The following ALDH1A3 variants were observed in gnomAD, a reference collection of about 807,000 sequenced individuals.
ALDH1A3 encodes the protein aldehyde dehydrogenase 1 family member A3, also known as retinaldehyde dehydrogenase 3.
In ALDH1A3, 28 loss-of-function variants were observed where a neutral mutation model predicts 57.5. The observed-to-expected ratio is 0.49, with a 90% CI of 0.36 to 0.67. ALDH1A3 has a LOEUF of 0.67. Among genes scored for constraint, ALDH1A3 ranks in the 30% least tolerant of loss-of-function variants. The probability of loss-of-function intolerance (pLI) is 0.00; values close to 1 mark genes in which losing one functional copy is unlikely to be tolerated. For synonymous variants in ALDH1A3, 281 were observed against 264.8 expected, an observed-to-expected ratio of 1.06 and a Z score of -0.59; for missense variants, 507 against 669.4, an observed-to-expected ratio of 0.76 and a Z score of 2.68.
rs138741497 is a variant in ALDH1A3, at chr15:100,885,308, A to G, written c.141A>G (p.Lys47=). ...AATGGCACGAATCCAAGAGTGGGAAAAAGTTTGCTACATGTAACCCTTCAA... is the reference window on the plus strand; with the variant it reads ...AATGGCACGAATCCAAGAGTGGGAAGAAGTTTGCTACATGTAACCCTTCAA... ...NNEWHESKSG[K]KFATCNPSTR... Residue 47 remains lysine, a synonymous_variant, in exon 2 of 13, where the codon AAA becomes AAG. Coordinates refer to ENST00000329841, the MANE Select transcript of ALDH1A3 (RefSeq NM_000693.4). 22 of 1,613,988 alleles carry G rather than the reference A, an allele frequency of 1.4e-5. No homozygotes were observed. The highest frequency in any genetic ancestry group is 1.8e-5 in the Non-Finnish European group (21 of 1,179,920).
rs1370659416 is a variant in ALDH1A3, at chr15:100,893,101, T to C, written c.537+95T>C. 2 of 1,179,170 alleles carry C rather than the reference T, an allele frequency of 1.7e-6. No homozygotes were observed. The highest frequency in any genetic ancestry group is 2.4e-5 in the East Asian group (1 of 42,222). 73.0% of individuals were successfully genotyped at this position (1,179,170 alleles called of 1,614,324 possible). A position where few individuals can be genotyped will look rare whatever the true frequency, so the allele number is the denominator to read the frequency against. On this transcript the variant is annotated intron_variant, in intron 5 of 12. Coordinates refer to ENST00000329841, the MANE Select transcript of ALDH1A3 (RefSeq NM_000693.4). This position sits in a 1 kb window ranked among gnomAD's most constrained non-coding sequence, Gnocchi z 4.8. The stretch of plus-strand genomic sequence containing the variant: ...CAATTTCTGGTGTGTTTTTATCTGA[T>C]TGCACCAGCGTTGAACAAGCATTTT...
At chr15:100,908,562 A>G in intron 12 of ALDH1A3, 80 bp downstream of exon 12, 2 of 1,322,620 alleles carry the variant, frequency 1.5e-6, no homozygotes, top group Non-Finnish European at 2.2e-6. Context: ...CACAGGCTCC[A>G]ATCTGCTGAC....
chr15:100,897,162 C>T (rs2041713090), intron 7 of ALDH1A3, among the ~76,000 whole-genome samples: 1 of 152,274 alleles, frequency 6.6e-6, no homozygotes, highest in African/African-American at 2.4e-5. Flanking sequence ...GAGACAGACA[C>T]TGCCCTGTGG....
At chr15:100,904,927 C>T (rs945625248) in intron 9 of ALDH1A3, among the ~76,000 whole-genome samples, 1 of 152,220 alleles carries the variant, frequency 6.6e-6, no homozygotes, top group Non-Finnish European at 1.5e-5. Context: ...TCTCGCTTCT[C>T]TGCACCATGA....
At chr15:100,911,980 T>C (rs569403054) in intron 12 of ALDH1A3, among the ~76,000 whole-genome samples, 12 of 152,360 alleles carry the variant, frequency 7.9e-5, no homozygotes, top group South Asian at 4.1e-4. Flanking sequence ...GTGCATTTTA[T>C]TTGCATACAA....
chr15:100,907,312 G>T, intron 11 of ALDH1A3, 34 bp downstream of exon 11: 1 of 1,599,522 alleles, frequency 6.3e-7, no homozygotes, highest in Non-Finnish European at 8.5e-7. Context: ...CAGCTCTCCT[G>T]AGTTGCTTCT....
chr15:100,892,425 T>C, intron 3 of ALDH1A3, 85 bp from the exon 4 acceptor site: 3 of 1,587,132 alleles, frequency 1.9e-6, no homozygotes, highest in Non-Finnish European at 2.6e-6. Context: ...GACTGTGTTC[T>C]CTCCCCAACT....
rs1262680309 is a variant in ALDH1A3, at chr15:100,905,741, C to T, written c.1233+54C>T. ...CTTGCGGGGCCTTTCAAACACGAGT[C>T]CTTCCCTAGGGCCCAGGGATCCCAG... is the stretch of plus-strand genomic sequence containing the variant. On this transcript the variant is annotated intron_variant, in intron 10 of 12. Transcript: ENST00000329841. 47 of 1,470,024 alleles carry T rather than the reference C, an allele frequency of 3.2e-5. No homozygotes were observed. In the South Asian group the frequency reaches 6.2e-4, roughly 19 times the overall value. The allele number at this position is 1,470,024 out of a possible 1,614,324, so 91.1% of individuals were successfully genotyped here.
At chr15:100,902,013 G>C (rs2041774162) in intron 9 of ALDH1A3, among the ~76,000 whole-genome samples, 1 of 152,224 alleles carries the variant, frequency 6.6e-6, no homozygotes, top group East Asian at 1.9e-4. Flanking sequence ...GTTGTCTAAT[G>C]GCCTCGGCTG....
chr15:100,884,916 G>C (rs2041581001), intron 1 of ALDH1A3, among the ~76,000 whole-genome samples: 1 of 151,990 alleles, frequency 6.6e-6, no homozygotes, highest in East Asian at 1.9e-4. Flanking sequence ...AGTCTATTGG[G>C]GTATGAGATT....
chr15:100,914,446 G>A (rs1381199487), intron 12 of ALDH1A3: 2 of 331,872 alleles, frequency 6.0e-6, no homozygotes, highest in African/African-American at 4.2e-5. Flanking sequence ...TCTCTAAAGG[G>A]AAACCCTTAG....
chr15:100,882,048 G>A (rs142601727), intron 1 of ALDH1A3, among the ~76,000 whole-genome samples: 53 of 152,358 alleles, frequency 3.5e-4, no homozygotes, highest in Middle Eastern at 3.4e-3. Flanking sequence ...CAGAGTGGGC[G>A]AGTGGCCCGG....
At chr15:100,913,316 T>C (rs910672823) in intron 12 of ALDH1A3, 1 of 152,268 alleles carries the variant, frequency 6.6e-6, no homozygotes, top group African/African-American at 2.4e-5. Context: ...GATAAAAATC[T>C]GACACAGGTC....
intron 12 of ALDH1A3, among the ~76,000 whole-genome samples, chr15:100,910,490 T>C (rs1308895913): frequency 6.6e-6 from 1 of 152,192 alleles, no homozygotes; most frequent in Non-Finnish European, 1.5e-5. Flanking sequence ...GCAGGCTCGG[T>C]TGAGCTCTCT....
chr15:100,903,168 C>T (rs1370255896), intron 9 of ALDH1A3, among the ~76,000 whole-genome samples: 1 of 123,884 alleles, frequency 8.1e-6, no homozygotes, highest in Non-Finnish European at 1.6e-5. Flanking sequence ...CACCTTTGTA[C>T]ACCTGGTTCT....
intron 7 of ALDH1A3, among the ~76,000 whole-genome samples, chr15:100,897,425 G>A (rs928135556): frequency 6.6e-6 from 1 of 152,252 alleles, no homozygotes; most frequent in Non-Finnish European, 1.5e-5. Context: ...TCCCCTCCAG[G>A]GGTACAGTGG....
At position 100,905,651 on chromosome 15, in the gene ALDH1A3, A is replaced by G; in HGVS notation, c.1197A>G (p.Ser399=). ...KGLFIKPTVF[S]EVTDNMRIAK... ...TCTTCATCAAACCCACTGTCTTCTCAGAAGTCACAGACAACATGCGGATTG... is the reference window on the plus strand; with the variant it reads ...TCTTCATCAAACCCACTGTCTTCTCGGAAGTCACAGACAACATGCGGATTG... Residue 399 remains serine, a synonymous_variant, in exon 10 of 13, where the codon TCA becomes TCG. Coordinates refer to ENST00000329841, the MANE Select transcript of ALDH1A3 (RefSeq NM_000693.4). 1 of 1,606,066 alleles carries G rather than the reference A, an allele frequency of 6.2e-7. No homozygotes were observed. The highest frequency in any genetic ancestry group is 1.3e-5 in the African/African-American group (1 of 74,708).
chr15:100,903,402 CAT>C (rs1032322786), intron 9 of ALDH1A3, among the ~76,000 whole-genome samples: 8 of 152,204 alleles, frequency 5.3e-5, no homozygotes, highest in Admixed American at 5.2e-4. Context: ...TTCTTTTTCA[CAT>C]GTGTATGGAA....
Position 100,905,595 on chromosome 15 carries a change from T to A in ALDH1A3, c.1141T>A (p.Cys381Ser), listed in dbSNP as rs2041813782. ...SGKKEGAKLE[C>S]GGSAMEDKGL... The stretch of plus-strand genomic sequence containing the variant: ...GAAGAAGGAAGGGGCCAAGCTGGAA[T>A]GCGGGGGCTCAGCCATGGAAGACAA... Residue 381 changes from cysteine to serine, a missense_variant, in exon 10 of 13, where the codon TGC (cysteine) becomes AGC (serine). Around this residue, in one of 2 missense-constraint regions of ALDH1A3, gnomAD observed 432 missense variants for 608.4 expected, o/e 0.71. Transcript: ENST00000329841. 1.2e-6 allele frequency: 2 copies of A among 1,614,050 alleles called. No individual in the cohort carries two copies. The highest frequency in any genetic ancestry group is 4.5e-5 in the East Asian group (2 of 44,852).
Sources: gnomAD v4.1 joint callset for allele counts (sites outside exome capture counted in the v4.1 genomes callset) on GRCh38, gnomAD v4.1.1 for gene constraint, gnomAD v4.1.1 regional missense constraint, Gnocchi (gnomAD v3.1) non-coding constraint, MANE v1.5 for transcripts, NCBI Gene and HGNC (gene_info 2026-07-23, HGNC 2026-07-21) for gene names.